Variants in STX8 observed in about 807,000 individuals in gnomAD.
STX8 encodes the protein syntaxin 8, also known as syntaxin-8.
A neutral mutation model predicts 37.5 loss-of-function variants in STX8; 23 were observed. The observed-to-expected ratio is 0.61, with a 90% CI of 0.44 to 0.87. The LOEUF is 0.87. STX8 is among the 40% of genes least tolerant of loss of function. The pLI is 0.00. For synonymous variants in STX8, 115 were observed against 99.1 expected (o/e 1.16, Z -0.95); for missense variants, 313 against 284.7 (o/e 1.10, Z -0.71).
At chr17:9,426,277 A>C (rs888774447) in intron 6 of STX8, among the ~76,000 whole-genome samples, 2 of 152,144 alleles carry the variant, frequency 1.3e-5, no homozygotes, top group Non-Finnish European at 2.9e-5. Flanking sequence ...CTGTAATCCC[A>C]ACACTTCGGG....
At chr17:9,321,157 G>A (rs1001810121) in intron 7 of STX8, among the ~76,000 whole-genome samples, 1 of 152,138 alleles carries the variant, frequency 6.6e-6, no homozygotes, top group African/African-American at 2.4e-5. Flanking sequence ...AACGACATGG[G>A]AAAGGGGAGA....
intron 7 of STX8, among the ~76,000 whole-genome samples, chr17:9,328,790 C>T (rs1909863282): frequency 6.6e-6 from 1 of 152,040 alleles, no homozygotes; most frequent in Non-Finnish European, 1.5e-5. Context: ...TGGCTCACGC[C>T]TGTAATCCCA....
chr17:9,289,024 G>A (rs1175825481), intron 7 of STX8, among the ~76,000 whole-genome samples: 1 of 152,178 alleles, frequency 6.6e-6, no homozygotes, highest in Non-Finnish European at 1.5e-5. Flanking sequence ...GGACTAAAGA[G>A]ATGCTCCTAA....
chr17:9,350,362 A>T (rs1910665134), intron 7 of STX8, among the ~76,000 whole-genome samples: 1 of 152,234 alleles, frequency 6.6e-6, no homozygotes, highest in Non-Finnish European at 1.5e-5. Flanking sequence ...GTGGTTGACC[A>T]CAGGTAACTG....
chr17:9,270,072 G>C (rs971939060), intron 7 of STX8, among the ~76,000 whole-genome samples: 1 of 152,206 alleles, frequency 6.6e-6, no homozygotes, highest in African/African-American at 2.4e-5. Context: ...TTAAATAACA[G>C]GCCGTGTGTT....
At chr17:9,394,411 T>C (rs1222346422) in intron 6 of STX8, among the ~76,000 whole-genome samples, 1 of 151,814 alleles carries the variant, frequency 6.6e-6, no homozygotes, top group East Asian at 1.9e-4. Context: ...TAAGTCTCAC[T>C]CTATTGCCCA....
chr17:9,521,243 AG>A (rs1905328883), intron 4 of STX8, among the ~76,000 whole-genome samples: 2 of 152,190 alleles, frequency 1.3e-5, no homozygotes, highest in African/African-American at 4.8e-5. Context: ...TTTAGGTGGG[AG>A]GTAACAGGAG....
At chr17:9,460,116 C>T (rs9908000) in intron 6 of STX8, among the ~76,000 whole-genome samples, 4,070 of 152,206 alleles carry the variant, frequency 0.027, 175 homozygotes, top group African/African-American at 0.091. Flanking sequence ...GTAGCAAAGT[C>T]TCCTTCTTTT....
At chr17:9,315,712 G>A (rs1000849001) in intron 7 of STX8, among the ~76,000 whole-genome samples, 10 of 151,966 alleles carry the variant, frequency 6.6e-5, no homozygotes, top group Admixed American at 3.3e-4. Flanking sequence ...CAGGATGGCC[G>A]GCCTACAAAA....
chr17:9,347,550 C>G (rs1055487730), intron 7 of STX8, among the ~76,000 whole-genome samples: 7 of 152,188 alleles, frequency 4.6e-5, no homozygotes, highest in African/African-American at 1.7e-4. Flanking sequence ...GGGTCTCACT[C>G]TGTTCCCCAG....
At chr17:9,390,002 T>C (rs2142301741) in intron 6 of STX8, among the ~76,000 whole-genome samples, 1 of 152,320 alleles carries the variant, frequency 6.6e-6, no homozygotes, top group South Asian at 2.1e-4. Context: ...TATGGCATCC[T>C]ATGGCAGGGA....
intron 2 of STX8, among the ~76,000 whole-genome samples, chr17:9,562,555 G>T (rs143712379): frequency 4.0e-5 from 6 of 150,802 alleles, no homozygotes; most frequent in African/African-American, 1.5e-4. Context: ...GACTAAAAAG[G>T]CTAATAATCC....
chr17:9,394,400 C>CT (rs1381905397), intron 6 of STX8, among the ~76,000 whole-genome samples: 2 of 150,492 alleles, frequency 1.3e-5, no homozygotes, highest in Non-Finnish European at 3.0e-5. Flanking sequence ...TTTTTTGAGA[C>CT]TAAGTCTCAC....
chr17:9,439,570 A>T (rs1399098685), intron 6 of STX8, among the ~76,000 whole-genome samples: 1 of 147,590 alleles, frequency 6.8e-6, no homozygotes, highest in Non-Finnish European at 1.5e-5. Context: ...ATCTTGGCTC[A>T]CTGCAACCTC....
intron 7 of STX8, among the ~76,000 whole-genome samples, chr17:9,272,546 C>T (rs1012931777): frequency 2.0e-5 from 3 of 152,226 alleles, no homozygotes; most frequent in African/African-American, 7.2e-5. Context: ...TGCCTTCTCA[C>T]TCACACACAG....
At chr17:9,321,491 G>T (rs1459376923) in intron 7 of STX8, among the ~76,000 whole-genome samples, 2 of 151,100 alleles carry the variant, frequency 1.3e-5, no homozygotes, top group Non-Finnish European at 3.0e-5. Flanking sequence ...GATAGAAAAA[G>T]AAAAAAAATA....
chr17:9,261,091 G>A lies in STX8; in HGVS notation c.644-10446C>T, dbSNP rs71371899. Among the ~76,000 whole-genome samples, 1,142 of 152,364 alleles carry A rather than the reference G, an allele frequency of 7.5e-3. 8 individuals are homozygous for A. Among genetic ancestry groups the A allele is most frequent in the South Asian group, 0.027 (132 of 4,818 alleles). ...TGAAGACTGCAGGTGACGGGGCAGA[G>A]AGCTGGACGGCAGCCTAGTGAAAGG... On this transcript the variant is annotated intron_variant, in intron 7 of 7. Transcript: ENST00000306357.
chr17:9,317,270 C>A (rs910461445), intron 7 of STX8, among the ~76,000 whole-genome samples: 1 of 152,036 alleles, frequency 6.6e-6, no homozygotes, highest in Non-Finnish European at 1.5e-5. Flanking sequence ...GGAAGTAGTA[C>A]GGCCTAGAAA....
intron 6 of STX8, among the ~76,000 whole-genome samples, chr17:9,448,513 G>A (rs1026924609): frequency 6.8e-5 from 8 of 117,532 alleles, no homozygotes; most frequent in Admixed American, 9.9e-5. Flanking sequence ...GCCGTTTGGC[G>A]TTCCTAAGCA....
Sources: gnomAD v4.1 joint callset for allele counts (sites outside exome capture counted in the v4.1 genomes callset) on GRCh38, gnomAD v4.1.1 for gene constraint, MANE v1.5 for transcripts, NCBI Gene and HGNC (gene_info 2026-07-23, HGNC 2026-07-21) for gene names.